The following ITFG1 variants were observed in gnomAD, a reference collection of about 807,000 sequenced individuals.
ITFG1 encodes the protein integrin alpha FG-GAP repeat containing 1.
In ITFG1, 34 loss-of-function variants were observed where a neutral mutation model predicts 81.8. The ratio of observed to expected loss-of-function variants is 0.42; its 90% CI spans 0.32 to 0.55. ITFG1 has a LOEUF of 0.55. Ranked by LOEUF, ITFG1 falls within the 20% of genes least tolerant of loss-of-function variation. The pLI is 0.17. For synonymous variants in ITFG1, 285 were observed against 270.6 expected (o/e 1.05, Z -0.52); for missense variants, 672 against 755.4 (o/e 0.89, Z 1.29).
chr16:47,447,766 C>T (rs9928323), intron 5 of ITFG1, among the ~76,000 whole-genome samples: 24 of 152,156 alleles, frequency 1.6e-4, no homozygotes, highest in African/African-American at 5.3e-4. Flanking sequence ...AAAAGTTTTT[C>T]ACTGTTTCTG....
chr16:47,263,327 C>G, intron 10 of ITFG1: 1 of 470,774 alleles, frequency 2.1e-6, no homozygotes. Flanking sequence ...GGAAATGGAG[C>G]AGGCCTATGA....
At chr16:47,295,386 C>A (rs1298829590) in intron 10 of ITFG1, among the ~76,000 whole-genome samples, 1 of 152,130 alleles carries the variant, frequency 6.6e-6, no homozygotes, top group African/African-American at 2.4e-5. Flanking sequence ...AGAACTGGTA[C>A]CAGTACTTCT....
chr16:47,384,744 T>C (rs536150480), intron 6 of ITFG1, among the ~76,000 whole-genome samples: 2 of 152,324 alleles, frequency 1.3e-5, no homozygotes, highest in South Asian at 4.1e-4. Flanking sequence ...CTTTTAAATA[T>C]CTCTGACTGC....
chr16:47,375,958 A>G lies in ITFG1; in HGVS notation c.656-18T>C. On this transcript the variant is annotated intron_variant, in intron 6 of 17. Transcript: ENST00000320640. ...GAATAAATCTAGAAGGAAAAATAAT[A>G]AAAACGTAAAGTTTTGTAGTCTTAC... 3 of 1,547,940 alleles carry G rather than the reference A, an allele frequency of 1.9e-6. No homozygotes were observed. Among genetic ancestry groups the G allele is most frequent in the Admixed American group, 1.7e-5 (1 of 59,032 alleles).
chr16:47,155,291 G>A lies in ITFG1; in HGVS notation c.*428C>T, dbSNP rs1964685773. 3 of 154,164 alleles carry A rather than the reference G, an allele frequency of 1.9e-5. No individual in the cohort carries two copies. Among genetic ancestry groups the A allele is most frequent in the African/African-American group, 7.2e-5 (3 of 41,598 alleles). 9.5% of individuals were successfully genotyped at this position (154,164 alleles called of 1,614,324 possible). ...CTGACCTGCTGTGATGAAGCTGAAT[G>A]CCTAATGACTCCGTGATATATTCAC... is the stretch of plus-strand genomic sequence containing the variant. On this transcript the variant is annotated 3_prime_UTR_variant, in exon 18 of 18. Coordinates refer to ENST00000320640, the MANE Select transcript of ITFG1 (RefSeq NM_030790.5).
intron 10 of ITFG1, 45 bp downstream of exon 10, chr16:47,311,195 C>T (rs1398310019): frequency 7.1e-7 from 1 of 1,416,974 alleles, no homozygotes; most frequent in Admixed American, 1.9e-5. Context: ...GCAAATATTT[C>T]TCACATAGTT....
intron 14 of ITFG1, among the ~76,000 whole-genome samples, chr16:47,187,591 C>T (rs1043735642): frequency 1.3e-5 from 2 of 151,986 alleles, no homozygotes; most frequent in Non-Finnish European, 2.9e-5. Flanking sequence ...CCCTTCCTTA[C>T]ACCTTATACA....
At chr16:47,224,948 A>G (rs534906301) in intron 13 of ITFG1, among the ~76,000 whole-genome samples, 20 of 152,248 alleles carry the variant, frequency 1.3e-4, no homozygotes, top group Admixed American at 2.0e-4. Flanking sequence ...GTAGTGAGCC[A>G]TGATTGCACC....
intron 10 of ITFG1, among the ~76,000 whole-genome samples, chr16:47,308,333 GT>G (rs1259501350): frequency 6.6e-6 from 1 of 152,182 alleles, no homozygotes; most frequent in Admixed American, 6.5e-5. Flanking sequence ...AAAAAGAATA[GT>G]GGCTAGAAAT....
intron 6 of ITFG1, among the ~76,000 whole-genome samples, chr16:47,387,290 C>G (rs1968474557): frequency 6.6e-6 from 1 of 152,182 alleles, no homozygotes; most frequent in African/African-American, 2.4e-5. Context: ...ATAGTCTAGC[C>G]AGTCACTAAA....
chr16:47,211,745 G>C (rs1965563262), intron 14 of ITFG1, among the ~76,000 whole-genome samples: 1 of 151,754 alleles, frequency 6.6e-6, no homozygotes, highest in Non-Finnish European at 1.5e-5. Context: ...GTGCTTTTTC[G>C]GCATCAGTTA....
intron 6 of ITFG1, among the ~76,000 whole-genome samples, chr16:47,400,372 GACACAC>G (rs140818900): frequency 1.3e-5 from 2 of 149,790 alleles, no homozygotes; most frequent in African/African-American, 4.9e-5. Context: ...CTGGGTGACA[GACACAC>G]ACACACACAC....
At chr16:47,381,847 G>C (rs146527522) in intron 6 of ITFG1, among the ~76,000 whole-genome samples, 276 of 152,296 alleles carry the variant, frequency 1.8e-3, no homozygotes, top group Non-Finnish European at 3.1e-3. Flanking sequence ...GTAGCTCAGA[G>C]GTCATCAATT....
chr16:47,312,329 C>T (rs1047894410), intron 9 of ITFG1: 1 of 152,144 alleles, frequency 6.6e-6, no homozygotes, highest in African/African-American at 2.4e-5. Context: ...AGATTCCCTT[C>T]CTTTCCTTCT....
intron 7 of ITFG1, among the ~76,000 whole-genome samples, chr16:47,366,694 CCTCT>C (rs748401377): frequency 1.3e-5 from 2 of 152,120 alleles, no homozygotes; most frequent in Non-Finnish European, 2.9e-5. Context: ...TTATCACTGA[CCTCT>C]CTATTTTCTG....
At chr16:47,377,935 A>G (rs1404507807) in intron 6 of ITFG1, among the ~76,000 whole-genome samples, 1 of 152,238 alleles carries the variant, frequency 6.6e-6, no homozygotes, top group Middle Eastern at 3.2e-3. Context: ...GACGTCTAAA[A>G]ATAATTGCTC....
rs151147957 is a variant in ITFG1 at position 47,180,455 on chromosome 16, G to C, written c.1454-17791C>G. ...CGAGCCAAAGCTGGACTGTACTGCT[G>C]CCATCTCGGCTCACTGCAATCTCCC... is the stretch of plus-strand genomic sequence containing the variant. On this transcript the variant is annotated intron_variant, in intron 14 of 17. Coordinates refer to ENST00000320640, the MANE Select transcript of ITFG1 (RefSeq NM_030790.5). 5.4e-3 allele frequency among the ~76,000 whole-genome samples: 818 copies of C among 151,232 alleles called. 10 individuals are homozygous for C. The highest frequency in any genetic ancestry group is 0.019 in the African/African-American group (798 of 41,202).
intron 13 of ITFG1, among the ~76,000 whole-genome samples, chr16:47,230,529 G>C (rs947026041): frequency 1.3e-5 from 2 of 152,110 alleles, no homozygotes; most frequent in Admixed American, 6.6e-5. Flanking sequence ...AAGAGACTTA[G>C]GCATCCTTAA....
At chr16:47,218,434 C>T in intron 14 of ITFG1, 1 of 151,692 alleles carries the variant, frequency 6.6e-6, no homozygotes, top group Non-Finnish European at 1.5e-5. Flanking sequence ...AATAATATAT[C>T]AAAAAACCCT....
Sources: gnomAD v4.1 joint callset for allele counts (sites outside exome capture counted in the v4.1 genomes callset) on GRCh38, gnomAD v4.1.1 for gene constraint, MANE v1.5 for transcripts, NCBI Gene and HGNC (gene_info 2026-07-23, HGNC 2026-07-21) for gene names.